Variants in SMYD3 observed in about 807,000 individuals in gnomAD.
The protein encoded by SMYD3 is histone-lysine N-methyltransferase SMYD3.
Under a neutral mutation model 57.7 loss-of-function variants are expected in SMYD3, and 36 were observed. The ratio of observed to expected loss-of-function variants is 0.62; its 90% CI spans 0.48 to 0.82. The LOEUF (loss-of-function observed/expected upper bound fraction) is 0.82. Ranked by LOEUF, SMYD3 falls within the 40% of genes least tolerant of loss-of-function variation. The pLI is 0.00. For synonymous variants in SMYD3, 211 were observed against 195.0 expected, an observed-to-expected ratio of 1.08 and a Z score of -0.68; for missense variants, 515 against 538.8, an observed-to-expected ratio of 0.96 and a Z score of 0.44.
chr1:245,775,326 G>C (rs1281002101), intron 10 of SMYD3, among the ~76,000 whole-genome samples: 1 of 152,206 alleles, frequency 6.6e-6, no homozygotes, highest in Non-Finnish European at 1.5e-5. Context: ...CTGTGTCTGT[G>C]TAGAAAGTAG....
intron 5 of SMYD3, among the ~76,000 whole-genome samples, chr1:245,997,280 G>C (rs1201184339): frequency 6.6e-6 from 1 of 152,198 alleles, no homozygotes; most frequent in Non-Finnish European, 1.5e-5. Flanking sequence ...TCAGACAGGG[G>C]GGATGTCAAC....
At chr1:246,103,091 C>A (rs1174449146) in intron 5 of SMYD3, among the ~76,000 whole-genome samples, 4 of 152,080 alleles carry the variant, frequency 2.6e-5, no homozygotes, top group African/African-American at 9.7e-5. Flanking sequence ...ACTCATAATA[C>A]AATGATTCTT....
At chr1:246,040,337 G>A (rs1281873866) in intron 5 of SMYD3, among the ~76,000 whole-genome samples, 1 of 152,212 alleles carries the variant, frequency 6.6e-6, no homozygotes, top group African/African-American at 2.4e-5. Flanking sequence ...AGCTTATTCA[G>A]AAATTAAATA....
At chr1:246,016,352 G>A (rs192045614) in intron 5 of SMYD3, among the ~76,000 whole-genome samples, 193 of 152,258 alleles carry the variant, frequency 1.3e-3, no homozygotes, top group African/African-American at 4.4e-3. Flanking sequence ...GGAGGCCGAG[G>A]CAGGTGGATC....
chr1:245,946,541 G>A (rs147500750), intron 5 of SMYD3, among the ~76,000 whole-genome samples: 1 of 152,140 alleles, frequency 6.6e-6, no homozygotes, highest in South Asian at 2.1e-4. Flanking sequence ...AAAGGTAAGA[G>A]AACTCAACAG....
chr1:246,030,379 C>T (rs1015882084), intron 5 of SMYD3, among the ~76,000 whole-genome samples: 4 of 152,144 alleles, frequency 2.6e-5, no homozygotes, highest in African/African-American at 9.7e-5. Flanking sequence ...TTGTTTTGTG[C>T]TCATCAAAGT....
chr1:246,500,638 A>T (rs1205071393), intron 1 of SMYD3, among the ~76,000 whole-genome samples: 2 of 152,220 alleles, frequency 1.3e-5, no homozygotes, highest in Admixed American at 6.5e-5. Flanking sequence ...TACCAGCAGA[A>T]GCCACATGGC....
chr1:245,919,665 A>G (rs10924387), intron 7 of SMYD3, among the ~76,000 whole-genome samples: 17,990 of 152,220 alleles, frequency 0.12, 3,349 homozygotes, highest in African/African-American at 0.4. Flanking sequence ...GTTATTAGCC[A>G]AAGATAAAAA....
chr1:245,808,838 T>C (rs1342455818), intron 10 of SMYD3, among the ~76,000 whole-genome samples: 1 of 152,100 alleles, frequency 6.6e-6, no homozygotes, highest in African/African-American at 2.4e-5. Context: ...TCTCAGCTCA[T>C]TGGAACCACT....
intron 5 of SMYD3, among the ~76,000 whole-genome samples, chr1:246,147,774 G>A (rs747567551): frequency 6.6e-6 from 1 of 152,078 alleles, no homozygotes; most frequent in Non-Finnish European, 1.5e-5. Flanking sequence ...GCAGACCTGG[G>A]CTTCGCGCTC....
chr1:246,182,682 G>C (rs1466487500), intron 5 of SMYD3, among the ~76,000 whole-genome samples: 2 of 152,126 alleles, frequency 1.3e-5, no homozygotes, highest in African/African-American at 4.8e-5. Flanking sequence ...GTCACAATTA[G>C]AAAAATAAAA....
chr1:246,273,093 TC>T (rs2064251832), intron 5 of SMYD3, among the ~76,000 whole-genome samples: 1 of 145,562 alleles, frequency 6.9e-6, no homozygotes, highest in Non-Finnish European at 1.5e-5. Flanking sequence ...CCTCCTATAA[TC>T]CTTTTTCATT....
chr1:246,418,779 G>A lies in SMYD3; in HGVS notation c.165-63685C>T, dbSNP rs566609863. On this transcript the variant is annotated intron_variant, in intron 1 of 11. Coordinates refer to ENST00000490107, the MANE Select transcript of SMYD3 (RefSeq NM_001167740.2). ...CGTTCTGCTGGCCGACGGCCTCCCA[G>A]CGTGCTGGCATCTGTTGCTGTGCTC... Among the ~76,000 whole-genome samples the A allele has an allele frequency of 4.6e-5, 7 of 152,224 alleles. No homozygotes were observed. The East Asian group carries it at 1.4e-3, about 29-fold the overall frequency.
chr1:246,414,582 C>T (rs550130095), intron 1 of SMYD3, among the ~76,000 whole-genome samples: 20 of 151,654 alleles, frequency 1.3e-4, no homozygotes, highest in African/African-American at 2.2e-4. Context: ...TAACTGCATA[C>T]TATATGTGTA....
At chr1:246,032,616 A>G (rs2148267480) in intron 5 of SMYD3, among the ~76,000 whole-genome samples, 1 of 152,250 alleles carries the variant, frequency 6.6e-6, no homozygotes, top group East Asian at 1.9e-4. Flanking sequence ...TCCTAATTTG[A>G]TAATTTCTAC....
At chr1:245,765,222 TTAAA>T (rs1394443270) in intron 10 of SMYD3, among the ~76,000 whole-genome samples, 12 of 99,962 alleles carry the variant, frequency 1.2e-4, no homozygotes, top group African/African-American at 5.9e-4. Context: ...CCTTTCTCTA[TTAAA>T]AAAAAAAAAA....
chr1:246,141,539 G>A (rs1307057469), intron 5 of SMYD3, among the ~76,000 whole-genome samples: 1 of 152,018 alleles, frequency 6.6e-6, no homozygotes, highest in African/African-American at 2.4e-5. Flanking sequence ...TCACAGTTAT[G>A]GTAGCCAACA....
chr1:246,154,812 CACT>C (rs1341808906), intron 5 of SMYD3, among the ~76,000 whole-genome samples: 1 of 149,232 alleles, frequency 6.7e-6, no homozygotes, highest in Non-Finnish European at 1.5e-5. Context: ...GATGGAGTCT[CACT>C]CTGTCGCCCA....
At position 245,760,257 on chromosome 1, in the gene SMYD3, C is replaced by T. The variant is rs1572259518; in HGVS notation, c.1185+3784G>A. 2.0e-5 allele frequency among the ~76,000 whole-genome samples: 3 copies of T among 152,204 alleles called. No homozygotes were observed. In the East Asian group the frequency reaches 5.8e-4, roughly 29 times the overall value. On this transcript the variant is annotated intron_variant, in intron 11 of 11. Transcript: ENST00000490107. Reference sequence around the variant, plus strand: ...TTCAAAAACCTTATTCAAGTGATTTCATTCCATTATTTCCAGGGTTTCTAA... The same window carrying T: ...TTCAAAAACCTTATTCAAGTGATTTTATTCCATTATTTCCAGGGTTTCTAA...
Sources: allele counts gnomAD v4.1 joint callset (sites outside exome capture counted in the v4.1 genomes callset), GRCh38; gene constraint gnomAD v4.1.1; transcripts MANE v1.5; gene names NCBI Gene and HGNC (gene_info 2026-07-23, HGNC 2026-07-21).